Variants in EYA2 observed in about 807,000 individuals in gnomAD.
The protein encoded by EYA2 is protein phosphatase EYA2.
In EYA2, 31 loss-of-function variants were observed where a neutral mutation model predicts 69.2. The ratio of observed to expected loss-of-function variants is 0.45; its 90% CI spans 0.34 to 0.60. The LOEUF (loss-of-function observed/expected upper bound fraction) is 0.60, where lower values mean the gene tolerates loss of function less well. Ranked by LOEUF, EYA2 falls within the 20% of genes least tolerant of loss-of-function variation. The pLI is 0.02. For synonymous variants in EYA2, 257 were observed against 279.4 expected, an observed-to-expected ratio of 0.92 and a Z score of 0.80; for missense variants, 622 against 701.2, an observed-to-expected ratio of 0.89 and a Z score of 1.28.
chr20:47,121,140 G>A (rs1035105141), intron 9 of EYA2, among the ~76,000 whole-genome samples: 2 of 152,096 alleles, frequency 1.3e-5, no homozygotes, highest in Non-Finnish European at 2.9e-5. Flanking sequence ...TGTTGCCCAG[G>A]TTGGAGTGCA....
chr20:47,185,107 C>T (rs936763928), intron 15 of EYA2, among the ~76,000 whole-genome samples: 2 of 152,096 alleles, frequency 1.3e-5, no homozygotes, highest in African/African-American at 2.4e-5. Flanking sequence ...TGACTGTTTC[C>T]GCTGACAGTG....
At chr20:47,035,243 C>T (rs1026578372) in intron 5 of EYA2, among the ~76,000 whole-genome samples, 2 of 152,178 alleles carry the variant, frequency 1.3e-5, no homozygotes, top group African/African-American at 2.4e-5. Context: ...TCCTGCTGCT[C>T]AGCTGGCTTG....
At chr20:47,049,868 C>CG (rs1231970810) in intron 5 of EYA2, among the ~76,000 whole-genome samples, 2 of 151,254 alleles carry the variant, frequency 1.3e-5, no homozygotes, top group African/African-American at 4.9e-5. Context: ...AGACCCCCCC[C>CG]CCACCGCCAC....
At chr20:47,014,627 A>AGTGT (rs1568724580) in intron 4 of EYA2, among the ~76,000 whole-genome samples, 9 of 71,826 alleles carry the variant, frequency 1.3e-4, no homozygotes, top group African/African-American at 3.5e-4. Context: ...ATGTGCACAA[A>AGTGT]ATGTGTGTGT....
chr20:46,959,006 A>G (rs909478524), intron 1 of EYA2, among the ~76,000 whole-genome samples: 3 of 152,200 alleles, frequency 2.0e-5, no homozygotes, highest in African/African-American at 4.8e-5. Flanking sequence ...GTGAACATAC[A>G]CGTGTATGTG....
At chr20:46,950,108 A>G (rs569516676) in intron 1 of EYA2, among the ~76,000 whole-genome samples, 2 of 152,298 alleles carry the variant, frequency 1.3e-5, no homozygotes, top group Non-Finnish European at 2.9e-5. Flanking sequence ...TAATCAAAAG[A>G]GCCATCAATC....
chr20:46,999,332 G>T (rs1982216520), intron 2 of EYA2, among the ~76,000 whole-genome samples: 1 of 152,172 alleles, frequency 6.6e-6, no homozygotes, highest in Non-Finnish European at 1.5e-5. Context: ...GATGAAGAAG[G>T]AGTGATGGGG....
chr20:47,012,212 C>T (rs1482252429), intron 4 of EYA2, among the ~76,000 whole-genome samples: 1 of 152,170 alleles, frequency 6.6e-6, no homozygotes, highest in Non-Finnish European at 1.5e-5. Flanking sequence ...GAGTGGAAGC[C>T]AGTGGAACTT....
At chr20:46,972,200 TA>T (rs2146301215) in intron 1 of EYA2, among the ~76,000 whole-genome samples, 1 of 152,236 alleles carries the variant, frequency 6.6e-6, no homozygotes, top group East Asian at 1.9e-4. Context: ...ACCAACACAC[TA>T]GGTTTAAATA....
chr20:47,057,726 T>C (rs2030701193), intron 5 of EYA2, among the ~76,000 whole-genome samples: 1 of 152,226 alleles, frequency 6.6e-6, no homozygotes, highest in Non-Finnish European at 1.5e-5. Context: ...GGATTACCCA[T>C]GAGGCCTCCT....
intron 5 of EYA2, among the ~76,000 whole-genome samples, chr20:47,056,200 G>A (rs2030601104): frequency 6.6e-6 from 1 of 152,216 alleles, no homozygotes; most frequent in Non-Finnish European, 1.5e-5. Flanking sequence ...CAGGCTCCGG[G>A]TGTGGGTTTG....
intron 1 of EYA2, among the ~76,000 whole-genome samples, chr20:46,957,555 AC>A (rs1220284887): frequency 3.3e-5 from 5 of 150,530 alleles, no homozygotes; most frequent in East Asian, 1.9e-4. Context: ...ACACACACAC[AC>A]ACACACACAC....
chr20:47,094,893 C>T (rs998071832), intron 8 of EYA2, among the ~76,000 whole-genome samples: 8 of 152,066 alleles, frequency 5.3e-5, no homozygotes, highest in African/African-American at 1.9e-4. Flanking sequence ...ATTAGCCAGG[C>T]ATGGTGCCAC....
chr20:47,041,983 T>C (rs1985095588), intron 5 of EYA2, among the ~76,000 whole-genome samples: 1 of 152,022 alleles, frequency 6.6e-6, no homozygotes, highest in Non-Finnish European at 1.5e-5. Context: ...AAAAATAAAA[T>C]TATAAAATAA....
chr20:46,895,425 C>T (rs1983754753), intron 1 of EYA2, among the ~76,000 whole-genome samples: 1 of 152,226 alleles, frequency 6.6e-6, no homozygotes, highest in South Asian at 2.1e-4. Flanking sequence ...AACCAAGAAG[C>T]AGAGCCAACC....
At chr20:46,945,494 C>T (rs1978404193) in intron 1 of EYA2, among the ~76,000 whole-genome samples, 1 of 152,214 alleles carries the variant, frequency 6.6e-6, no homozygotes, top group African/African-American at 2.4e-5. Context: ...GGAGTTCCCA[C>T]AGTTGCGCTG....
At chr20:47,139,276 C>T (rs764834136) in intron 9 of EYA2, among the ~76,000 whole-genome samples, 2 of 152,052 alleles carry the variant, frequency 1.3e-5, no homozygotes, top group Admixed American at 6.5e-5. Context: ...ATTGTTAATC[C>T]AAGAAATATA....
chr20:46,936,770 C>G (rs913348293), intron 1 of EYA2, among the ~76,000 whole-genome samples: 6 of 152,184 alleles, frequency 3.9e-5, no homozygotes, highest in African/African-American at 1.4e-4. Flanking sequence ...TGTCCCGTCC[C>G]CCGCTTTCCC....
chr20:47,057,569 C>T (rs961452648), intron 5 of EYA2, among the ~76,000 whole-genome samples: 4 of 146,446 alleles, frequency 2.7e-5, no homozygotes, highest in Non-Finnish European at 6.0e-5. Context: ...GGTAGGTTTT[C>T]AGCAATTTTA....
Sources: allele counts gnomAD v4.1 joint callset (sites outside exome capture counted in the v4.1 genomes callset), GRCh38; gene constraint gnomAD v4.1.1; transcripts MANE v1.5; gene names NCBI Gene and HGNC (gene_info 2026-07-23, HGNC 2026-07-21).